Variants in LTA observed in about 807,000 individuals in gnomAD.
The protein encoded by LTA is lymphotoxin alpha, also known as lymphotoxin-alpha.
LTA carries 6 observed loss-of-function variants against 15.1 expected under a neutral mutation model. That is an observed-to-expected ratio of 0.40 (90% CI 0.22 to 0.78). The LOEUF (loss-of-function observed/expected upper bound fraction) is 0.78. Among genes scored for constraint, LTA ranks in the 30% least tolerant of loss-of-function variants. The pLI, the probability that LTA is intolerant of heterozygous loss-of-function variation, is 0.38. For synonymous variants in LTA, 87 were observed against 107.3 expected (o/e 0.81, Z 1.17); for missense variants, 173 against 249.5 (o/e 0.69, Z 2.06).
Position 31,573,987 on chromosome 6 carries a change from C to A in LTA, c.*294C>A. 3.7e-6 allele frequency: 2 copies of A among 542,562 alleles called. No homozygotes were observed. Among genetic ancestry groups the A allele is most frequent in the Non-Finnish European group, 6.7e-6 (2 of 297,866 alleles). 33.6% of individuals were successfully genotyped at this position (542,562 alleles called of 1,614,324 possible). A position where few individuals can be genotyped will look rare whatever the true frequency, so the allele number is the denominator to read the frequency against. On this transcript the variant is annotated 3_prime_UTR_variant, in exon 4 of 4. Coordinates refer to ENST00000418386, the MANE Select transcript of LTA (RefSeq NM_000595.4). ...CCACCAGCTAGGTGGGGCCTAGATC[C>A]ACACACAGAGGAAGAGCAGGCACAT...
chr6:31,561,435 T>C, the LTA span, among the ~76,000 whole-genome samples: 30 of 152,262 alleles, frequency 2.0e-4, no homozygotes, highest in South Asian at 6.0e-3. Flanking sequence ...ATCACAGCAC[T>C]TTGGGAGGCC....
the LTA span, among the ~76,000 whole-genome samples, chr6:31,565,721 C>A: frequency 4.0e-4 from 61 of 152,274 alleles, 2 homozygotes; most frequent in South Asian, 0.011. Flanking sequence ...ACCCATCAAT[C>A]CATCATCTAG....
chr6:31,569,595 C>A (rs1443746284), upstream of LTA, among the ~76,000 whole-genome samples: 2 of 152,100 alleles, frequency 1.3e-5, no homozygotes, highest in African/African-American at 4.8e-5. Flanking sequence ...GAATTCAAGA[C>A]CAACCTGGCC....
At chr6:31,572,475 T>A (rs1184566345) in intron 1 of LTA, 29 bp downstream of exon 1, 1 of 565,718 alleles carries the variant, frequency 1.8e-6, no homozygotes, top group Non-Finnish European at 3.1e-6. Context: ...TCCTTCTCTG[T>A]CTCTGACTCT....
chr6:31,573,556 G>C lies in LTA; in HGVS notation c.481G>C (p.Glu161Gln). ...SQKMVYPGLQ[E>Q]PWLHSMYHGA... ...GAAGATGGTGTATCCAGGGCTGCAG[G>C]AACCCTGGCTGCACTCGATGTACCA... The change falls in exon 4 of 4, where the codon GAA (glutamate) becomes CAA (glutamine). Residue 161 changes from glutamate to glutamine, a missense_variant. Transcript: ENST00000418386. 1 of 1,614,032 alleles carries C rather than the reference G, an allele frequency of 6.2e-7. No homozygotes were observed. The highest frequency in any genetic ancestry group is 8.5e-7 in the Non-Finnish European group (1 of 1,179,994).
upstream of LTA, among the ~76,000 whole-genome samples, chr6:31,570,733 G>A (rs901527690): frequency 6.6e-6 from 1 of 152,040 alleles, no homozygotes; most frequent in African/African-American, 2.4e-5. Context: ...AAACATTACT[G>A]ATACATACAA....
the LTA span, among the ~76,000 whole-genome samples, chr6:31,563,273 A>G: frequency 1.3e-5 from 2 of 152,196 alleles, no homozygotes; most frequent in Non-Finnish European, 2.9e-5. Flanking sequence ...TCTTGGAAAC[A>G]AGAAAAAGTA....
At chr6:31,572,488 A>G (rs1250258858) in intron 1 of LTA, 42 bp downstream of exon 1, 2 of 574,230 alleles carry the variant, frequency 3.5e-6, no homozygotes, top group Admixed American at 3.2e-5. Flanking sequence ...CTGACTCTCC[A>G]TCTGTCAGTC....
the LTA span, among the ~76,000 whole-genome samples, chr6:31,561,300 A>G: frequency 6.6e-6 from 1 of 152,218 alleles, no homozygotes; most frequent in African/African-American, 2.4e-5. Flanking sequence ...AAGGAGTAAG[A>G]AAACGGCCAT....
the LTA span, among the ~76,000 whole-genome samples, chr6:31,561,248 C>T: frequency 6.6e-6 from 1 of 152,030 alleles, no homozygotes; most frequent in Non-Finnish European, 1.5e-5. Flanking sequence ...GTCCAGGTGA[C>T]GATGAAAAAG....
upstream of LTA, among the ~76,000 whole-genome samples, chr6:31,570,454 A>G (rs576062757): frequency 6.6e-6 from 1 of 152,200 alleles, no homozygotes; most frequent in Non-Finnish European, 1.5e-5. Context: ...ACACTCTCCA[A>G]GTAAAATCAC....
chr6:31,563,902 C>T, the LTA span, among the ~76,000 whole-genome samples: 1 of 152,134 alleles, frequency 6.6e-6, no homozygotes, highest in East Asian at 1.9e-4. Context: ...GCTACGGTGC[C>T]CGGCGGTAAG....
rs138435669 is a variant in LTA at position 31,572,360 on chromosome 6, G to A, written c.-96G>A. 1.7e-5 allele frequency: 6 copies of A among 344,642 alleles called. No homozygotes were observed. The highest frequency in any genetic ancestry group is 3.2e-5 in the Non-Finnish European group (6 of 187,066). The allele number at this position is 344,642 out of a possible 1,614,324, so 21.3% of individuals were successfully genotyped here. Reference sequence around the variant, plus strand: ...CCCGTGCTTCGTGCTTTGGACTACCGCCCAGCAGTGTCCTGCCCTCTGCCT... The same window carrying A: ...CCCGTGCTTCGTGCTTTGGACTACCACCCAGCAGTGTCCTGCCCTCTGCCT... On this transcript the variant is annotated 5_prime_UTR_variant, in exon 1 of 4. Transcript: ENST00000418386.
chr6:31,563,018 G>T, the LTA span, among the ~76,000 whole-genome samples: 1 of 151,660 alleles, frequency 6.6e-6, no homozygotes, highest in Admixed American at 6.6e-5. Context: ...AAATTAGCTG[G>T]GCGTGGTGGC....
chr6:31,568,447 A>G (rs2844484), upstream of LTA, among the ~76,000 whole-genome samples: 97,534 of 151,902 alleles, frequency 0.64, 31,677 homozygotes, highest in African/African-American at 0.74. The surrounding 1 kb of genome is among the most constrained non-coding windows in gnomAD (Gnocchi z 4.1). Context: ...GTTTAGATTT[A>G]AGGTTAGGGT....
upstream of LTA, among the ~76,000 whole-genome samples, chr6:31,569,095 C>T (rs986606714): frequency 2.6e-5 from 4 of 152,060 alleles, no homozygotes; most frequent in Admixed American, 6.6e-5. Flanking sequence ...CTGCAACCTC[C>T]GCCTCCTGGG....
At chr6:31,568,347 G>T (rs755278511), upstream of LTA, among the ~76,000 whole-genome samples, 1 of 152,178 alleles carries the variant, frequency 6.6e-6, no homozygotes, top group African/African-American at 2.4e-5. The surrounding 1 kb of genome is among the most constrained non-coding windows in gnomAD (Gnocchi z 4.1). Flanking sequence ...GTTAGGAGTG[G>T]TGGTAAACTG....
the LTA span, among the ~76,000 whole-genome samples, chr6:31,564,748 A>C: frequency 1.3e-3 from 202 of 151,608 alleles, 12 homozygotes; most frequent in South Asian, 0.034. Context: ...TCTGGAAAAA[A>C]AAAAAAAATA....
At chr6:31,570,888 C>T (rs956044849), upstream of LTA, among the ~76,000 whole-genome samples, 3 of 151,898 alleles carry the variant, frequency 2.0e-5, no homozygotes, top group African/African-American at 7.3e-5. Flanking sequence ...GGTTGGTTAT[C>T]TTTGGAGGGT....
Sources: allele counts gnomAD v4.1 joint callset (sites outside exome capture counted in the v4.1 genomes callset), GRCh38; gene constraint gnomAD v4.1.1; non-coding constraint Gnocchi (gnomAD v3.1); transcripts MANE v1.5; gene names NCBI Gene and HGNC (gene_info 2026-07-23, HGNC 2026-07-21).